Variants in ARHGEF10 observed in about 807,000 individuals in gnomAD.
The protein encoded by ARHGEF10 is Rho guanine nucleotide exchange factor 10, also known as Rho guanine nucleotide exchange factor (GEF) 10.
ARHGEF10 carries 140 observed loss-of-function variants against 147.4 expected under a neutral mutation model. The observed-to-expected ratio is 0.95, with a 90% CI of 0.83 to 1.09. ARHGEF10 has a LOEUF of 1.09. Among genes scored for constraint, ARHGEF10 ranks in the 50% least tolerant of loss-of-function variants. The pLI, the probability that ARHGEF10 is intolerant of heterozygous loss-of-function variation, is 0.00. For synonymous variants in ARHGEF10, 902 were observed against 695.8 expected (o/e 1.30, Z -4.67); for missense variants, 2,222 against 1,752.7 (o/e 1.27, Z -4.78).
Position 1,896,414 on chromosome 8 carries a change from T to A in ARHGEF10, c.1522T>A (p.Cys508Ser). ...STAVAVLKKT[C>S]ATKPAFLEFL... Reference sequence around the variant, plus strand: ...AGCCGTGGCAGTCCTCAAGAAAACATGTGCCACAAAGCCCGCTTTTCTTGA... The same window carrying A: ...AGCCGTGGCAGTCCTCAAGAAAACAAGTGCCACAAAGCCCGCTTTTCTTGA... Residue 508 changes from cysteine to serine, a missense_variant, in exon 14 of 29, where the codon TGT becomes AGT. Coordinates refer to ENST00000349830, the MANE Select transcript of ARHGEF10 (RefSeq NM_014629.4). 1.2e-6 allele frequency: 2 copies of A among 1,613,980 alleles called. No homozygotes were observed. Among genetic ancestry groups the A allele is most frequent in the Non-Finnish European group, 1.7e-6 (2 of 1,180,002 alleles).
At chr8:1,874,528 C>T (rs1807478099) in intron 7 of ARHGEF10, among the ~76,000 whole-genome samples, 1 of 152,228 alleles carries the variant, frequency 6.6e-6, no homozygotes, top group Non-Finnish European at 1.5e-5. Flanking sequence ...GTTGGAAGTC[C>T]AGAGATGGAT....
chr8:1,850,375 C>G (rs1380138843), intron 2 of ARHGEF10, among the ~76,000 whole-genome samples: 1 of 145,044 alleles, frequency 6.9e-6, no homozygotes, highest in Non-Finnish European at 1.5e-5. Flanking sequence ...GGGGCGGCCG[C>G]GTGGGCATGG....
At chr8:1,900,056 T>A (rs373161878) in intron 15 of ARHGEF10, among the ~76,000 whole-genome samples, 17 of 152,274 alleles carry the variant, frequency 1.1e-4, no homozygotes, top group African/African-American at 3.9e-4. Context: ...ACACACGTTG[T>A]TGGCTTTCTA....
intron 7 of ARHGEF10, among the ~76,000 whole-genome samples, chr8:1,874,313 C>T (rs1379615702): frequency 6.6e-6 from 1 of 152,200 alleles, no homozygotes; most frequent in Non-Finnish European, 1.5e-5. Flanking sequence ...GGCGTCCAAA[C>T]GTGCCTGATC....
rs183960650 is a variant in ARHGEF10 at position 1,903,237 on chromosome 8, A to T, written c.1651-44A>T. On this transcript the variant is annotated intron_variant, in intron 15 of 28. Transcript: ENST00000349830. ...GTGACGCGACTGTTGTTGCACTGGGAGTGTCCACGTGGTAACTGCCCACCT... is the reference window on the plus strand; with the variant it reads ...GTGACGCGACTGTTGTTGCACTGGGTGTGTCCACGTGGTAACTGCCCACCT... The T allele has an allele frequency of 2.5e-6, 4 of 1,610,424 alleles. No homozygotes were observed. In the African/African-American group the frequency reaches 4.0e-5, roughly 16 times the overall value.
intron 1 of ARHGEF10, among the ~76,000 whole-genome samples, chr8:1,836,978 G>A (rs1958908705): frequency 6.6e-6 from 1 of 152,206 alleles, no homozygotes; most frequent in Non-Finnish European, 1.5e-5. Flanking sequence ...GGCCTCCCCA[G>A]CCATGTGGAA....
intron 27 of ARHGEF10, among the ~76,000 whole-genome samples, chr8:1,949,374 G>A (rs1296805167): frequency 6.6e-6 from 1 of 152,186 alleles, no homozygotes; most frequent in Non-Finnish European, 1.5e-5. Context: ...GTTGATGAAG[G>A]TCTGTGATTA....
At chr8:1,835,304 A>G (rs971140051) in intron 1 of ARHGEF10, among the ~76,000 whole-genome samples, 1 of 152,218 alleles carries the variant, frequency 6.6e-6, no homozygotes, top group Non-Finnish European at 1.5e-5. Context: ...TCCCTGCCCC[A>G]GGTGCATCTC....
chr8:1,940,080 G>T (rs990506869), intron 26 of ARHGEF10, among the ~76,000 whole-genome samples: 1 of 152,164 alleles, frequency 6.6e-6, no homozygotes, highest in African/African-American at 2.4e-5. Flanking sequence ...AAAACTCCAT[G>T]GGTTTGGTTT....
At position 1,955,204 on chromosome 8, in the gene ARHGEF10, G is replaced by A. The variant is rs113938270; in HGVS notation, c.3521-1545G>A. On this transcript the variant is annotated intron_variant, in intron 28 of 28. Coordinates refer to ENST00000349830, the MANE Select transcript of ARHGEF10 (RefSeq NM_014629.4). The stretch of plus-strand genomic sequence containing the variant: ...GCACTCTCACTGTTTCTCTGGATGG[G>A]TAGCCAGGTGCTTCCTGAAAGGAGG... Among the ~76,000 whole-genome samples the A allele has an allele frequency of 1.5e-3, 181 of 123,700 alleles. 1 individual carries two copies. Among genetic ancestry groups the A allele is most frequent in the South Asian group, 4.7e-3 (18 of 3,856 alleles). 81.2% of individuals were successfully genotyped at this position (123,700 alleles called of 152,430 possible).
intron 28 of ARHGEF10, among the ~76,000 whole-genome samples, chr8:1,953,473 C>G (rs947898982): frequency 1.3e-5 from 2 of 152,262 alleles, no homozygotes; most frequent in Admixed American, 1.3e-4. Context: ...CAGGCTGGAA[C>G]ACATGGCCTT....
chr8:1,871,909 A>G (rs529524109), intron 7 of ARHGEF10, among the ~76,000 whole-genome samples: 2 of 152,350 alleles, frequency 1.3e-5, no homozygotes, highest in South Asian at 4.1e-4. Flanking sequence ...AGTGGCAGGA[A>G]AAAAATAATG....
At chr8:1,938,270 G>A (rs528334411) in intron 26 of ARHGEF10, among the ~76,000 whole-genome samples, 68 of 152,320 alleles carry the variant, frequency 4.5e-4, no homozygotes, top group Non-Finnish European at 6.9e-4. Context: ...GACGTCTGAC[G>A]TTTAGGAAAA....
chr8:1,860,519 T>TC (rs1300043337), intron 4 of ARHGEF10, among the ~76,000 whole-genome samples: 26 of 152,136 alleles, frequency 1.7e-4, no homozygotes, highest in African/African-American at 6.3e-4. Context: ...GGCCTGACCT[T>TC]CCCCCTGCCC....
intron 18 of ARHGEF10, among the ~76,000 whole-genome samples, chr8:1,918,320 T>C (rs2129200234): frequency 6.6e-6 from 1 of 152,268 alleles, no homozygotes; most frequent in Non-Finnish European, 1.5e-5. Flanking sequence ...AACTGTCTGA[T>C]GATCCGGCAG....
chr8:1,836,081 T>C (rs182625304), intron 1 of ARHGEF10, among the ~76,000 whole-genome samples: 2 of 151,012 alleles, frequency 1.3e-5, no homozygotes, highest in African/African-American at 4.9e-5. Flanking sequence ...CTCGGGAGGC[T>C]GAGGCAGGAG....
At position 1,955,796 on chromosome 8, in the gene ARHGEF10, C is replaced by T. The variant is rs1815516679; in HGVS notation, c.3521-953C>T. Among the ~76,000 whole-genome samples, 6 of 152,386 alleles carry T rather than the reference C, an allele frequency of 3.9e-5. No homozygotes were observed. In the South Asian group the frequency reaches 1.0e-3, roughly 26 times the overall value. ...GTGTGGCTGGCTCTGCTGACATGGGCAGAAGCTCCTTCTGGGGGCTTGCCC... is the reference window on the plus strand; with the variant it reads ...GTGTGGCTGGCTCTGCTGACATGGGTAGAAGCTCCTTCTGGGGGCTTGCCC... On this transcript the variant is annotated intron_variant, in intron 28 of 28. Coordinates refer to ENST00000349830, the MANE Select transcript of ARHGEF10 (RefSeq NM_014629.4).
At chr8:1,879,927 C>G (rs929475354) in intron 8 of ARHGEF10, 121 bp from the exon 9 acceptor site, 7 of 791,578 alleles carry the variant, frequency 8.8e-6, no homozygotes, top group Admixed American at 3.5e-5. Flanking sequence ...CCCAGAAGCC[C>G]CCAGCCAGGA....
chr8:1,938,193 C>A (rs1813778945), intron 26 of ARHGEF10, among the ~76,000 whole-genome samples: 1 of 152,168 alleles, frequency 6.6e-6, no homozygotes, highest in Non-Finnish European at 1.5e-5. Context: ...GGCCCTTTAC[C>A]CTGGGTTTGT....
Sources: allele counts gnomAD v4.1 joint callset (sites outside exome capture counted in the v4.1 genomes callset), GRCh38; gene constraint gnomAD v4.1.1; transcripts MANE v1.5; gene names NCBI Gene and HGNC (gene_info 2026-07-23, HGNC 2026-07-21).